The following TLE1 variants were observed in gnomAD, a reference collection of about 807,000 sequenced individuals.
The protein encoded by TLE1 is TLE family member 1, transcriptional corepressor.
In TLE1, 21 loss-of-function variants were observed where a neutral mutation model predicts 89.8. That is an observed-to-expected ratio of 0.23 (90% CI 0.17 to 0.34). TLE1 has a LOEUF of 0.34. TLE1 is among the 10% of genes least tolerant of loss of function. The probability of loss-of-function intolerance (pLI) is 1.00; values close to 1 mark genes in which losing one functional copy is unlikely to be tolerated. For missense variants in TLE1, 795 were observed against 1,031.2 expected, an observed-to-expected ratio of 0.77 and a Z score of 3.14; for synonymous variants, 447 against 407.6, an observed-to-expected ratio of 1.10 and a Z score of -1.16.
At chr9:81,604,206 C>T (rs915587277) in intron 14 of TLE1, among the ~76,000 whole-genome samples, 1 of 152,144 alleles carries the variant, frequency 6.6e-6, no homozygotes, top group African/African-American at 2.4e-5. Flanking sequence ...GAGAATTTTT[C>T]CTTCCCTGCA....
intron 12 of TLE1, among the ~76,000 whole-genome samples, chr9:81,612,765 A>G (rs1823879033): frequency 6.6e-6 from 1 of 152,220 alleles, no homozygotes; most frequent in South Asian, 2.1e-4. Context: ...AATTATTTAA[A>G]ACTAAAAGAA....
intron 4 of TLE1, 96 bp downstream of exon 4, chr9:81,685,580 C>T (rs1834160228): frequency 8.0e-7 from 1 of 1,246,558 alleles, no homozygotes; most frequent in African/African-American, 1.5e-5. Flanking sequence ...GCATACAAAC[C>T]CCCACCCCTA....
chr9:81,616,187 T>C, intron 10 of TLE1, 53 bp from the exon 11 acceptor site: 1 of 1,555,784 alleles, frequency 6.4e-7, no homozygotes, highest in Non-Finnish European at 8.7e-7. Context: ...CAGACAGACT[T>C]TTCCCTTTCC....
intron 6 of TLE1, among the ~76,000 whole-genome samples, chr9:81,641,212 TAAATAAATAAATAAAAATAAA>T (rs1396715185): frequency 5.2e-5 from 5 of 96,946 alleles, no homozygotes; most frequent in Non-Finnish European, 8.2e-5. Flanking sequence ...GCAAAATAAA[TAAATAAATAAATAAAAATAAA>T]GAAGAAAACT....
At chr9:81,650,915 C>G (rs1037066556) in intron 6 of TLE1, among the ~76,000 whole-genome samples, 1 of 152,188 alleles carries the variant, frequency 6.6e-6, no homozygotes, top group African/African-American at 2.4e-5. Context: ...CTGCCAATAG[C>G]TTACCACAGA....
intron 11 of TLE1, among the ~76,000 whole-genome samples, chr9:81,613,741 A>G (rs2132084615): frequency 6.6e-6 from 1 of 152,126 alleles, no homozygotes; most frequent in East Asian, 1.9e-4. Context: ...ACAGAACATG[A>G]TCACACTTCT....
At chr9:81,586,286 G>A (rs558410735) in intron 17 of TLE1, among the ~76,000 whole-genome samples, 22 of 152,268 alleles carry the variant, frequency 1.4e-4, no homozygotes, top group African/African-American at 4.6e-4. Flanking sequence ...CAAAGTGCTG[G>A]GATTACAGGC....
chr9:81,597,462 A>G (rs1830381968), intron 14 of TLE1, among the ~76,000 whole-genome samples: 1 of 152,150 alleles, frequency 6.6e-6, no homozygotes, highest in Admixed American at 6.5e-5. Flanking sequence ...AGAGTGGGGG[A>G]AATGGCAGTT....
intron 11 of TLE1, 126 bp downstream of exon 11, chr9:81,615,856 C>G: frequency 5.8e-6 from 7 of 1,197,756 alleles, no homozygotes; most frequent in Non-Finnish European, 7.1e-6. Flanking sequence ...ATGAGTTTCA[C>G]TATTAAACTC....
In TLE1 at chr9:81,654,054, C is replaced by A. The variant is rs1303014959; in HGVS notation, c.235-18G>T. Reference sequence around the variant, plus strand: ...ATTTCAGTCTATAAAGACAAAGCCACACAAATGTTTAGAATACTTCACAAT... The same window carrying A: ...ATTTCAGTCTATAAAGACAAAGCCAAACAAATGTTTAGAATACTTCACAAT... On this transcript the variant is annotated intron_variant, in intron 4 of 19. Coordinates refer to ENST00000376499, the MANE Select transcript of TLE1 (RefSeq NM_005077.5). 6.2e-7 allele frequency: 1 copy of A among 1,613,370 alleles called. No homozygotes were observed. The highest frequency in any genetic ancestry group is 8.5e-7 in the Non-Finnish European group (1 of 1,179,584).
chr9:81,616,156 T>C (rs1338960039), intron 10 of TLE1, 22 bp from the exon 11 acceptor site: 2 of 1,584,816 alleles, frequency 1.3e-6, no homozygotes, highest in Non-Finnish European at 1.7e-6. Context: ...TAATCAAAAG[T>C]TTTCGTGATT....
At position 81,585,447 on chromosome 9, in the gene TLE1, A is replaced by G. The variant is rs1828260361; in HGVS notation, c.2128+58T>C. The G allele has an allele frequency of 3.2e-6, 5 of 1,577,516 alleles. No individual in the cohort carries two copies. In the African/African-American group the frequency reaches 5.4e-5, roughly 17 times the overall value. On this transcript the variant is annotated intron_variant, in intron 18 of 19. Coordinates refer to ENST00000376499, the MANE Select transcript of TLE1 (RefSeq NM_005077.5). ...TTATGATCTCTACCATATTTTTTTA[A>G]GAAGCATTTTCCATTTGGGCCATCA...
At position 81,641,885 on chromosome 9, in the gene TLE1, G is replaced by A. The variant is rs151322847; in HGVS notation, c.373-7584C>T. ...TAAAAATACAAAATTAGCCAGGTGT[G>A]GTGGCGCATGCCTGCAATCCCAGCT... On this transcript the variant is annotated intron_variant, in intron 6 of 19. Coordinates refer to ENST00000376499, the MANE Select transcript of TLE1 (RefSeq NM_005077.5). 7.5e-3 allele frequency among the ~76,000 whole-genome samples: 1,149 copies of A among 152,260 alleles called. 17 individuals carry two copies. The highest frequency in any genetic ancestry group is 0.024 in the African/African-American group (993 of 41,548).
intron 6 of TLE1, 27 bp downstream of exon 6, chr9:81,652,184 TGTA>T: frequency 6.2e-7 from 1 of 1,608,608 alleles, no homozygotes; most frequent in Non-Finnish European, 8.5e-7. Flanking sequence ...TTATACACAC[TGTA>T]GGAGGTAGAC....
chr9:81,632,328 T>C (rs993254814), intron 8 of TLE1, among the ~76,000 whole-genome samples: 1 of 152,020 alleles, frequency 6.6e-6, no homozygotes, highest in African/African-American at 2.4e-5. Flanking sequence ...CACATCCAGA[T>C]ACATGAAATA....
At chr9:81,663,705 C>T (rs1208550647) in intron 4 of TLE1, among the ~76,000 whole-genome samples, 1 of 151,020 alleles carries the variant, frequency 6.6e-6, no homozygotes, top group Non-Finnish European at 1.5e-5. Context: ...TCACTGCAAG[C>T]TCTGCCTCCC....
chr9:81,680,927 G>A (rs1368223778), intron 4 of TLE1, among the ~76,000 whole-genome samples: 5 of 146,136 alleles, frequency 3.4e-5, no homozygotes, highest in East Asian at 4.0e-4. Flanking sequence ...AACACACAGG[G>A]TTAAAAAAAA....
intron 4 of TLE1, among the ~76,000 whole-genome samples, chr9:81,675,524 CTTT>C (rs1176552073): frequency 6.6e-6 from 1 of 151,996 alleles, no homozygotes; most frequent in Non-Finnish European, 1.5e-5. Context: ...GTTTATCTCT[CTTT>C]TTTAGTCCAA....
At chr9:81,607,440 C>T (rs1587939237) in intron 14 of TLE1, among the ~76,000 whole-genome samples, 2 of 152,340 alleles carry the variant, frequency 1.3e-5, no homozygotes, top group African/African-American at 4.8e-5. Flanking sequence ...GCTCACCCGC[C>T]TTCCCCCACT....
Sources: gnomAD v4.1 joint callset for allele counts (sites outside exome capture counted in the v4.1 genomes callset) on GRCh38, gnomAD v4.1.1 for gene constraint, MANE v1.5 for transcripts, NCBI Gene and HGNC (gene_info 2026-07-23, HGNC 2026-07-21) for gene names.